CDH23: variants seen among roughly 807,000 people sequenced by gnomAD.
CDH23 encodes the protein cadherin-23.
A neutral mutation model predicts 317.1 loss-of-function variants in CDH23; 189 were observed. The observed-to-expected ratio is 0.60, with a 90% confidence interval of 0.53 to 0.67. CDH23 has a LOEUF of 0.67. CDH23 is among the 30% of genes least tolerant of loss of function. The pLI is 0.00. For missense variants in CDH23, 4,401 were observed against 4,592.4 expected, an observed-to-expected ratio of 0.96 and a Z score of 1.20; for synonymous variants, 1,839 against 1,876.8, an observed-to-expected ratio of 0.98 and a Z score of 0.52.
chr10:71,704,857 G>T (rs1309187256), intron 24 of CDH23, 54 bp from the exon 25 acceptor site: 3 of 1,365,116 alleles, frequency 2.2e-6, no homozygotes, highest in Non-Finnish European at 3.1e-6. Context: ...TGGGGGAGAA[G>T]CATCCATCCC....
intron 3 of CDH23, among the ~76,000 whole-genome samples, chr10:71,453,968 G>A (rs749834082): frequency 1.1e-3 from 174 of 152,346 alleles, no homozygotes; most frequent in Non-Finnish European, 2.0e-3. Context: ...ACAATAATAA[G>A]TGCCCAGGAG....
intron 3 of CDH23, among the ~76,000 whole-genome samples, chr10:71,494,068 C>T (rs2132148421): frequency 6.6e-6 from 1 of 152,174 alleles, no homozygotes; most frequent in East Asian, 1.9e-4. Flanking sequence ...TTTGCCTTTC[C>T]CTTTTGTGAG....
chr10:71,598,597 C>T (rs1004875500), intron 9 of CDH23, among the ~76,000 whole-genome samples: 8 of 152,144 alleles, frequency 5.3e-5, no homozygotes, highest in Non-Finnish European at 1.0e-4. Flanking sequence ...GGGCCAGGAA[C>T]CCATGTAATT....
At chr10:71,592,725 T>C (rs1264066468) in intron 9 of CDH23, among the ~76,000 whole-genome samples, 1 of 152,196 alleles carries the variant, frequency 6.6e-6, no homozygotes, top group Non-Finnish European at 1.5e-5. Context: ...CCCTTTGCCA[T>C]GTAAGTAGCA....
chr10:71,707,077 G>A (rs749852928), intron 26 of CDH23, 28 bp downstream of exon 26: 2 of 1,587,744 alleles, frequency 1.3e-6, no homozygotes, highest in Non-Finnish European at 1.7e-6. Context: ...GCCCACCTGT[G>A]CAGGCCTCCT....
chr10:71,814,713 T>TACACACACACACACACACAC (rs34475820), intron 69 of CDH23, among the ~76,000 whole-genome samples: 6 of 146,884 alleles, frequency 4.1e-5, no homozygotes, highest in African/African-American at 1.3e-4. Context: ...AAGAAGCCGA[T>TACACACACACACACACACAC]ACACACACAC....
intron 42 of CDH23, 21 bp from the exon 43 acceptor site, chr10:71,784,870 C>A: frequency 6.2e-7 from 1 of 1,605,562 alleles, no homozygotes. Flanking sequence ...CCCCTCCCTC[C>A]TCCTTCTCTG....
intron 18 of CDH23, among the ~76,000 whole-genome samples, chr10:71,685,407 C>T (rs1356787955): frequency 6.6e-6 from 1 of 152,220 alleles, no homozygotes; most frequent in Admixed American, 6.5e-5. Context: ...CTCGTTGTGC[C>T]TCAGCCCCCC....
chr10:71,637,514 G>A (rs1862333229), intron 11 of CDH23, among the ~76,000 whole-genome samples: 1 of 152,206 alleles, frequency 6.6e-6, no homozygotes, highest in Non-Finnish European at 1.5e-5. Context: ...TGAGGAAATT[G>A]AGGCTCAAGG....
chr10:71,473,574 C>CA (rs1353746813), intron 3 of CDH23, among the ~76,000 whole-genome samples: 1 of 152,186 alleles, frequency 6.6e-6, no homozygotes, highest in African/African-American at 2.4e-5. Flanking sequence ...CCAGAGGTCC[C>CA]AGGGCAAGTT....
At chr10:71,651,388 C>G (rs1276277327) in intron 14 of CDH23, among the ~76,000 whole-genome samples, 2 of 128,470 alleles carry the variant, frequency 1.6e-5, no homozygotes, top group Non-Finnish European at 1.7e-5. Flanking sequence ...AAAAAAAATG[C>G]CAGCTGTGGT....
At chr10:71,538,407 C>T (rs1346200087) in intron 6 of CDH23, among the ~76,000 whole-genome samples, 1 of 152,072 alleles carries the variant, frequency 6.6e-6, no homozygotes, top group Non-Finnish European at 1.5e-5. Context: ...GACCTTCCAG[C>T]CTGTCTGGCC....
chr10:71,459,841 G>A (rs1028095980), intron 3 of CDH23, among the ~76,000 whole-genome samples: 8 of 152,136 alleles, frequency 5.3e-5, no homozygotes, highest in Non-Finnish European at 1.2e-4. Flanking sequence ...TTCTTCATAC[G>A]GTGGCTCTCC....
intron 6 of CDH23, among the ~76,000 whole-genome samples, chr10:71,551,160 C>T (rs972918493): frequency 2.6e-5 from 4 of 152,200 alleles, no homozygotes; most frequent in Non-Finnish European, 5.9e-5. Context: ...GTCGAAATTC[C>T]GCATTAATTA....
chr10:71,777,603 C>T, intron 38 of CDH23, 77 bp from the exon 39 acceptor site: 1 of 1,321,880 alleles, frequency 7.6e-7, no homozygotes, highest in Non-Finnish European at 1.1e-6. Flanking sequence ...TGAGTTCAGC[C>T]CAGGAGAACA....
At chr10:71,630,719 G>GCGAGCAGCT (rs1294502216) in intron 11 of CDH23, among the ~76,000 whole-genome samples, 2 of 152,202 alleles carry the variant, frequency 1.3e-5, no homozygotes, top group African/African-American at 2.4e-5. Context: ...TAGATACCTA[G>GCGAGCAGCT]CGAGCAGCTC....
chr10:71,547,111 A>G (rs1039092283), intron 6 of CDH23, among the ~76,000 whole-genome samples: 2 of 152,238 alleles, frequency 1.3e-5, no homozygotes, highest in African/African-American at 2.4e-5. Context: ...CAAGGAGCTT[A>G]CAGTCTAGTG....
intron 12 of CDH23, among the ~76,000 whole-genome samples, 158 bp downstream of exon 12, chr10:71,644,024 G>T (rs1427145356): frequency 6.6e-6 from 1 of 152,362 alleles, no homozygotes; most frequent in East Asian, 1.9e-4. Context: ...GGAAGGAGAG[G>T]AGTTGGTGTC....
intron 1 of CDH23, among the ~76,000 whole-genome samples, chr10:71,434,048 C>T (rs1383414893): frequency 6.6e-6 from 1 of 152,138 alleles, no homozygotes. Context: ...GCAACTCTTC[C>T]CGCTGTGCAC....
Sources: allele counts gnomAD v4.1 joint callset (sites outside exome capture counted in the v4.1 genomes callset), GRCh38; gene constraint gnomAD v4.1.1; transcripts MANE v1.5; gene names NCBI Gene and HGNC (gene_info 2026-07-23, HGNC 2026-07-21).